KDF1: variants seen among roughly 807,000 people sequenced by gnomAD.
KDF1 encodes the protein RP11-344H11.3.
KDF1 carries 11 observed loss-of-function variants against 31.6 expected under a neutral mutation model. The observed-to-expected ratio is 0.35, with a 90% CI of 0.22 to 0.58. The LOEUF is 0.58. KDF1 is among the 20% of genes least tolerant of loss of function. The pLI, the probability that KDF1 is intolerant of heterozygous loss-of-function variation, is 0.83. For missense variants in KDF1, 476 were observed against 549.1 expected (o/e 0.87, Z 1.33); for synonymous variants, 205 against 214.4 (o/e 0.96, Z 0.38).
rs748813446 is a variant in KDF1 at position 26,951,801 on chromosome 1, C to T, written c.580G>A (p.Asp194Asn). 33 of 1,613,906 alleles carry T rather than the reference C, an allele frequency of 2.0e-5. No homozygotes were observed. The highest frequency in any genetic ancestry group is 6.7e-5 in the East Asian group (3 of 44,892). Reference sequence around the variant, plus strand: ...AGGCTGTGTCGCATGGGTGGGGGATCGGCCAGTGGCTCCTTGCAGCAGGAG... The same window carrying T: ...AGGCTGTGTCGCATGGGTGGGGGATTGGCCAGTGGCTCCTTGCAGCAGGAG... Reference protein sequence around the residue: ...ADSCCKEPLADPPPMRHSLPS... With the variant: ...ADSCCKEPLANPPPMRHSLPS... The change falls in exon 2 of 4, where the codon GAT becomes AAT. Residue 194 changes from aspartate (D) to asparagine (N), a missense_variant. By Grantham distance (23) the Asp-to-Asn change is conservative (BLOSUM62 1). Transcript: ENST00000320567. The surrounding 1 kb of genome is among the most constrained non-coding windows in gnomAD (Gnocchi z 5.4).
Position 26,950,583 on chromosome 1 carries a change from C to T in KDF1, c.1114+99G>A, listed in dbSNP as rs2082343326. ...TTAGGTCCCCGTCCCTTTTTGATGT[C>T]ATCCTCATCACCCCAAAAGAAAGCT... On this transcript the variant is annotated intron_variant, in intron 3 of 3. Transcript: ENST00000320567. The surrounding 1 kb of genome is among the most constrained non-coding windows in gnomAD (Gnocchi z 4.0). 14 of 996,306 alleles carry T rather than the reference C, an allele frequency of 1.4e-5. No individual in the cohort carries two copies. In the South Asian group the frequency reaches 1.8e-4, roughly 13 times the overall value. The allele number at this position is 996,306 out of a possible 1,614,324, so 61.7% of individuals were successfully genotyped here.
At chr1:26,959,531 C>T (rs1238698300) in intron 1 of KDF1, among the ~76,000 whole-genome samples, 1 of 152,144 alleles carries the variant, frequency 6.6e-6, no homozygotes, top group Non-Finnish European at 1.5e-5. Flanking sequence ...GTGCAGGGGG[C>T]TTCCCGCAGT....
chr1:26,957,811 T>TTTATTA (rs150201940), intron 1 of KDF1, among the ~76,000 whole-genome samples: 13 of 151,502 alleles, frequency 8.6e-5, no homozygotes, highest in Admixed American at 1.3e-4. Flanking sequence ...ACATGCTGGA[T>TTTATTA]TTATTATTAT....
At position 26,951,598 on chromosome 1, in the gene KDF1, C is replaced by T. The variant is rs768316827; in HGVS notation, c.783G>A (p.Lys261=). 6 of 1,613,584 alleles carry T rather than the reference C, an allele frequency of 3.7e-6. No homozygotes were observed. The African/African-American group carries it at 8.0e-5, about 22-fold the overall frequency. ...CCAGGAACACAGTGTCTGATGTGCACTTGGCCAGCTCATCGATCTGGTGTA... is the reference window on the plus strand; with the variant it reads ...CCAGGAACACAGTGTCTGATGTGCATTTGGCCAGCTCATCGATCTGGTGTA... ...FSVHQIDELA[K]CTSDTVFLEK... The change falls in exon 2 of 4, where the codon AAG becomes AAA. Residue 261 remains lysine, a synonymous_variant. Transcript: ENST00000320567. The surrounding 1 kb of genome is among the most constrained non-coding windows in gnomAD (Gnocchi z 5.4).
At chr1:26,956,404 G>T (rs975948067) in intron 1 of KDF1, among the ~76,000 whole-genome samples, 2 of 152,136 alleles carry the variant, frequency 1.3e-5, no homozygotes, top group Non-Finnish European at 2.9e-5. Context: ...AAAATGTTTA[G>T]AGGAACACGG....
rs2082338432 is a variant in KDF1, at chr1:26,949,806, T to G, written c.*263A>C. ...GAAGGTAATGCCTAACTCCTTACTT[T>G]CCATGATCAGGCCACCTGAAGACCA... is the stretch of plus-strand genomic sequence containing the variant. On this transcript the variant is annotated 3_prime_UTR_variant, in exon 4 of 4. Transcript: ENST00000320567. The G allele has an allele frequency of 2.3e-6, 1 of 432,690 alleles. No homozygotes were observed. The allele number at this position is 432,690 out of a possible 1,614,324, so 26.8% of individuals were successfully genotyped here.
chr1:26,951,883 G>C lies in KDF1; in HGVS notation c.498C>G (p.Leu166=). ...GSSFSYPDVK[L]KGIPVYPYPR... is the part of the protein sequence containing the mutation. ...GGTAGGGATACACAGGGATGCCTTT[G>C]AGCTTAACATCGGGGTAGCTGAAGC... Residue 166 remains leucine (L), a synonymous_variant, in exon 2 of 4, where the codon CTC becomes CTG. Transcript: ENST00000320567. This position sits in a 1 kb window ranked among gnomAD's most constrained non-coding sequence, Gnocchi z 5.4. The C allele has an allele frequency of 1.9e-6, 3 of 1,611,960 alleles. No individual in the cohort carries two copies. The highest frequency in any genetic ancestry group is 2.5e-6 in the Non-Finnish European group (3 of 1,178,574).
At chr1:26,956,620 A>C (rs1251439417) in intron 1 of KDF1, among the ~76,000 whole-genome samples, 6 of 152,228 alleles carry the variant, frequency 3.9e-5, no homozygotes, top group Non-Finnish European at 8.8e-5. Flanking sequence ...GTGATCCTAG[A>C]AAGGATCCTG....
At position 26,950,455 on chromosome 1, in the gene KDF1, T is replaced by C. The variant is rs2082342549; in HGVS notation, c.1114+227A>G. ...TCCCCACCCACTACTTTCCTAGTCA[T>C]CTGGGCTTGAAGGTTGGGGTCTGAT... On this transcript the variant is annotated intron_variant, in intron 3 of 3. Transcript: ENST00000320567. The surrounding 1 kb of genome is among the most constrained non-coding windows in gnomAD (Gnocchi z 4.0). Among the ~76,000 whole-genome samples the C allele has an allele frequency of 6.6e-6, 1 of 152,182 alleles. No individual in the cohort carries two copies. The highest frequency in any genetic ancestry group is 1.9e-4 in the East Asian group (1 of 5,194).
chr1:26,959,496 C>T (rs1570759430), intron 1 of KDF1, among the ~76,000 whole-genome samples: 1 of 152,244 alleles, frequency 6.6e-6, no homozygotes, highest in African/African-American at 2.4e-5. Context: ...CCCGCCAATC[C>T]CGTGAGATTT....
intron 1 of KDF1, among the ~76,000 whole-genome samples, chr1:26,955,945 A>C (rs1277876211): frequency 6.6e-6 from 1 of 152,080 alleles, no homozygotes; most frequent in Non-Finnish European, 1.5e-5. Flanking sequence ...ACAGAGTGAG[A>C]CTCCATCTCA....
intron 1 of KDF1, among the ~76,000 whole-genome samples, chr1:26,959,768 A>G (rs1341908500): frequency 6.6e-6 from 1 of 151,976 alleles, no homozygotes; most frequent in Non-Finnish European, 1.5e-5. Context: ...CCCCCAGCCC[A>G]GTGCCAAGCC....
chr1:26,954,985 G>A (rs2082370615), intron 1 of KDF1, among the ~76,000 whole-genome samples: 1 of 151,364 alleles, frequency 6.6e-6, no homozygotes, highest in African/African-American at 2.4e-5. Context: ...CAGCCTCGGA[G>A]TAGCTGGGAT....
At chr1:26,957,189 C>T (rs1388136039) in intron 1 of KDF1, among the ~76,000 whole-genome samples, 1 of 152,180 alleles carries the variant, frequency 6.6e-6, no homozygotes, top group Non-Finnish European at 1.5e-5. Context: ...CCTGCCCTGG[C>T]CTCCCAAAGT....
chr1:26,953,962 A>C (rs1407901619), intron 1 of KDF1, among the ~76,000 whole-genome samples: 2 of 144,310 alleles, frequency 1.4e-5, no homozygotes, highest in Admixed American at 1.4e-4. Context: ...CTCAAAAAAA[A>C]AAAAAAAAAG....
rs2082339153 is a variant in KDF1 at position 26,949,957 on chromosome 1, A to C, written c.*112T>G. ...AGTCAGCCAAGGCAGGAGGAGCCAG[A>C]GTGGGCACTGCTTCAGGTCTAAGCC... On this transcript the variant is annotated 3_prime_UTR_variant, in exon 4 of 4. Coordinates refer to ENST00000320567, the MANE Select transcript of KDF1 (RefSeq NM_152365.3). The C allele has an allele frequency of 1.9e-6, 2 of 1,065,476 alleles. No homozygotes were observed. The highest frequency in any genetic ancestry group is 5.2e-5 in the East Asian group (2 of 38,746). 66.0% of individuals were successfully genotyped at this position (1,065,476 alleles called of 1,614,324 possible).
rs879093596 is a variant in KDF1, at chr1:26,952,120, C to A, written c.261G>T (p.Arg87=). The part of the protein sequence containing the change: ...LWRPWVWEWC[R]AAFCFRRCRD... ...GGCAGCGGCGGAAGCAGAAGGCAGC[C>A]CGGCACCACTCCCACACCCAGGGTC... The change falls in exon 2 of 4, where the codon CGG becomes CGT. Residue 87 remains arginine, a synonymous_variant. Coordinates refer to ENST00000320567, the MANE Select transcript of KDF1 (RefSeq NM_152365.3). This position sits in a 1 kb window ranked among gnomAD's most constrained non-coding sequence, Gnocchi z 4.1. 1 of 1,613,400 alleles carries A rather than the reference C, an allele frequency of 6.2e-7. No homozygotes were observed. Among genetic ancestry groups the A allele is most frequent in the Admixed American group, 1.7e-5 (1 of 60,004 alleles).
At position 26,950,365 on chromosome 1, in the gene KDF1, T is replaced by C. The variant is rs940748973; in HGVS notation, c.1115-214A>G. Among the ~76,000 whole-genome samples, 1 of 152,148 alleles carries C rather than the reference T, an allele frequency of 6.6e-6. No individual in the cohort carries two copies. The highest frequency in any genetic ancestry group is 2.4e-5 in the African/African-American group (1 of 41,424). On this transcript the variant is annotated intron_variant, in intron 3 of 3. Coordinates refer to ENST00000320567, the MANE Select transcript of KDF1 (RefSeq NM_152365.3). The surrounding 1 kb of genome is among the most constrained non-coding windows in gnomAD (Gnocchi z 4.0). ...TAATGATTCCACTCCCAGGGGGTTG[T>C]TGTCAAGGGCAAGAAGACCGCAACA...
intron 1 of KDF1, among the ~76,000 whole-genome samples, chr1:26,953,509 A>C (rs1049489988): frequency 1.3e-5 from 2 of 152,276 alleles, no homozygotes; most frequent in Non-Finnish European, 2.9e-5. Flanking sequence ...AAACAATCCC[A>C]GTGTCTACCA....
Sources: gnomAD v4.1 joint callset for allele counts (sites outside exome capture counted in the v4.1 genomes callset) on GRCh38, gnomAD v4.1.1 for gene constraint, Gnocchi (gnomAD v3.1) non-coding constraint, MANE v1.5 for transcripts, NCBI Gene and HGNC (gene_info 2026-07-23, HGNC 2026-07-21) for gene names.